The following BMF variants were observed in gnomAD, a reference collection of about 807,000 sequenced individuals.
The protein encoded by BMF is bcl-2-modifying factor.
In BMF, 10 loss-of-function variants were observed where a neutral mutation model predicts 22.0. That is an observed-to-expected ratio of 0.45 (90% CI 0.28 to 0.77). BMF has a LOEUF of 0.77. Among genes scored for constraint, BMF ranks in the 30% least tolerant of loss-of-function variants. The pLI is 0.13. For missense variants in BMF, 206 were observed against 226.8 expected (o/e 0.91, Z 0.59); for synonymous variants, 87 against 88.1 (o/e 0.99, Z 0.07).
chr15:40,105,410 T>A (rs1277934383), intron 3 of BMF, among the ~76,000 whole-genome samples: 1 of 152,160 alleles, frequency 6.6e-6, no homozygotes, highest in Non-Finnish European at 1.5e-5. Flanking sequence ...GAACCCTCCC[T>A]CCCAGAACCG....
chr15:40,098,752 A>G (rs2036414833), intron 4 of BMF, among the ~76,000 whole-genome samples: 1 of 151,502 alleles, frequency 6.6e-6, no homozygotes, highest in Non-Finnish European at 1.5e-5. Context: ...CCCTCCTCCC[A>G]TCACCCACTT....
Position 40,106,175 on chromosome 15 carries a change from T to C in BMF, c.-5-84A>G. On this transcript the variant is annotated intron_variant, in intron 2 of 4. Transcript: ENST00000354670. The surrounding 1 kb of genome is among the most constrained non-coding windows in gnomAD (Gnocchi z 4.1). ...GACTCCCCTTCCCTTCTTCCTACCA[T>C]ACTCCCCCTTCTTATTTGAGCTGGC... is the stretch of plus-strand genomic sequence containing the variant. The C allele has an allele frequency of 7.0e-7, 1 of 1,433,472 alleles. No individual in the cohort carries two copies. The highest frequency in any genetic ancestry group is 9.3e-7 in the Non-Finnish European group (1 of 1,079,004). 88.8% of individuals were successfully genotyped at this position (1,433,472 alleles called of 1,614,324 possible). A position where few individuals can be genotyped will look rare whatever the true frequency, so the allele number is the denominator to read the frequency against.
At chr15:40,096,574 T>C (rs1213539320) in intron 4 of BMF, among the ~76,000 whole-genome samples, 1 of 152,204 alleles carries the variant, frequency 6.6e-6, no homozygotes, top group East Asian at 1.9e-4. Flanking sequence ...ATCAACCCAT[T>C]TTAGAGCGAC....
At chr15:40,101,581 T>C (rs891227296) in intron 4 of BMF, among the ~76,000 whole-genome samples, 2 of 151,822 alleles carry the variant, frequency 1.3e-5, no homozygotes, top group African/African-American at 4.8e-5. Context: ...AATGGAGGAG[T>C]GACAACAGTA....
intron 3 of BMF, among the ~76,000 whole-genome samples, chr15:40,105,193 A>G (rs2036561275): frequency 6.6e-6 from 1 of 152,154 alleles, no homozygotes; most frequent in Admixed American, 6.5e-5. Flanking sequence ...AAGAAAACAG[A>G]CTGTCTAACC....
intron 4 of BMF, among the ~76,000 whole-genome samples, chr15:40,099,244 G>A (rs1314355251): frequency 6.6e-6 from 1 of 152,168 alleles, no homozygotes; most frequent in Non-Finnish European, 1.5e-5. Context: ...GCAATCAGGG[G>A]CTCCCTGAAC....
At chr15:40,092,538 G>C (rs1222275365) in intron 4 of BMF, among the ~76,000 whole-genome samples, 3 of 152,122 alleles carry the variant, frequency 2.0e-5, no homozygotes, top group Non-Finnish European at 2.9e-5. Context: ...CCTTTTTATA[G>C]ATGCTCTTGA....
intron 4 of BMF, 136 bp from the exon 5 acceptor site, chr15:40,092,024 G>T (rs551936454): frequency 6.0e-5 from 39 of 645,500 alleles, no homozygotes; most frequent in South Asian, 1.6e-4. Flanking sequence ...AGCTCACAGC[G>T]GGGAGGAGGG....
chr15:40,108,487 C>G (rs1347177231), intron 1 of BMF, 101 bp from the exon 2 acceptor site: 3 of 152,698 alleles, frequency 2.0e-5, no homozygotes, highest in Non-Finnish European at 4.4e-5. Context: ...CGTTCTCGGG[C>G]GCCCAGGTCT....
chr15:40,097,487 G>A (rs781161468), intron 4 of BMF, among the ~76,000 whole-genome samples: 4 of 152,214 alleles, frequency 2.6e-5, no homozygotes, highest in Non-Finnish European at 5.9e-5. Context: ...GTGCTTCCTT[G>A]TACCCTTGTT....
At chr15:40,093,712 G>A (rs951950013) in intron 4 of BMF, among the ~76,000 whole-genome samples, 1 of 152,198 alleles carries the variant, frequency 6.6e-6, no homozygotes, top group African/African-American at 2.4e-5. Flanking sequence ...GTGCTTGTCT[G>A]AGAAGACCGG....
rs939048755 is a variant in BMF at position 40,088,255 on chromosome 15, C to T, written c.*3532G>A. ...CTTTAGCTGGGAGGCTGGCTGGGCA[C>T]CTATGAGCTCAGCTTTTTCCGCTAT... On this transcript the variant is annotated 3_prime_UTR_variant, in exon 5 of 5. Coordinates refer to ENST00000354670, the MANE Select transcript of BMF (RefSeq NM_001003940.2). The T allele has an allele frequency of 1.3e-5, 2 of 152,464 alleles. No homozygotes were observed. Among genetic ancestry groups the T allele is most frequent in the Admixed American group, 1.3e-4 (2 of 15,284 alleles). 9.4% of individuals were successfully genotyped at this position (152,464 alleles called of 1,614,324 possible).
chr15:40,096,509 CAG>C lies in BMF; in HGVS notation c.454-4623_454-4622del, dbSNP rs570112425. 1.5e-4 allele frequency among the ~76,000 whole-genome samples: 23 copies of C among 152,310 alleles called. No homozygotes were observed. The East Asian group carries it at 4.0e-3, about 27-fold the overall frequency. On this transcript the variant is annotated intron_variant, in intron 4 of 4. Coordinates refer to ENST00000354670, the MANE Select transcript of BMF (RefSeq NM_001003940.2). Reference sequence around the variant, plus strand: ...AACTTATAATATCTCAGATACAGAACAGAGCACTTTCCTTTCTTCTCATGTGA... The same window carrying C: ...AACTTATAATATCTCAGATACAGAACAGCACTTTCCTTTCTTCTCATGTGA...
chr15:40,089,116 G>C lies in BMF; in HGVS notation c.*2671C>G, dbSNP rs2036186195. On this transcript the variant is annotated 3_prime_UTR_variant, in exon 5 of 5. Transcript: ENST00000354670. Reference sequence around the variant, plus strand: ...CAGCTGGTTACAGGTCAGGATCCAGGTCAGACTCTCCCTCCCTCTAAATCT... The same window carrying C: ...CAGCTGGTTACAGGTCAGGATCCAGCTCAGACTCTCCCTCCCTCTAAATCT... 1 of 152,428 alleles carries C rather than the reference G, an allele frequency of 6.6e-6. No homozygotes were observed. The highest frequency in any genetic ancestry group is 2.4e-5 in the African/African-American group (1 of 41,328). The allele number at this position is 152,428 out of a possible 1,614,324, so 9.4% of individuals were successfully genotyped here. A position where few individuals can be genotyped will look rare whatever the true frequency, so the allele number is the denominator to read the frequency against.
chr15:40,098,333 G>A (rs976673766), intron 4 of BMF, among the ~76,000 whole-genome samples: 3 of 152,192 alleles, frequency 2.0e-5, no homozygotes, highest in African/African-American at 7.2e-5. Context: ...TCCACAGCCT[G>A]GAGGGAGGAA....
intron 4 of BMF, among the ~76,000 whole-genome samples, chr15:40,093,756 G>A (rs574645882): frequency 4.6e-5 from 7 of 152,278 alleles, no homozygotes; most frequent in Middle Eastern, 3.4e-3. Context: ...TAATAGTAAC[G>A]TGGGGTTAGG....
intron 4 of BMF, among the ~76,000 whole-genome samples, chr15:40,103,191 T>C (rs1432402994): frequency 6.6e-6 from 1 of 152,244 alleles, no homozygotes; most frequent in East Asian, 1.9e-4. Flanking sequence ...ATTTATTCCC[T>C]TGATTTCCTC....
Position 40,091,799 on chromosome 15 carries a change from T to G in BMF, c.543A>C (p.Ala181=). 1.2e-6 allele frequency: 2 copies of G among 1,607,550 alleles called. No homozygotes were observed. The highest frequency in any genetic ancestry group is 1.7e-6 in the Non-Finnish European group (2 of 1,177,436). Reference sequence around the variant, plus strand: ...GGGCAGCCCACCCTCACCTAGGGCCTGCCCCGTTCCTGTTCTCTTCTCCAT... The same window carrying G: ...GGGCAGCCCACCCTCACCTAGGGCCGGCCCCGTTCCTGTTCTCTTCTCCAT... ...ALNGEENRNG[A]GPR is the part of the protein sequence containing the mutation. The change falls in exon 5 of 5, where the codon GCA becomes GCC. Residue 181 remains alanine, a synonymous_variant. Coordinates refer to ENST00000354670, the MANE Select transcript of BMF (RefSeq NM_001003940.2).
intron 3 of BMF, among the ~76,000 whole-genome samples, chr15:40,105,024 T>C (rs1412426368): frequency 6.6e-6 from 1 of 152,096 alleles, no homozygotes; most frequent in Non-Finnish European, 1.5e-5. Flanking sequence ...GCCCGCCTTA[T>C]CCAACTTCTC....
Sources: allele counts gnomAD v4.1 joint callset (sites outside exome capture counted in the v4.1 genomes callset), GRCh38; gene constraint gnomAD v4.1.1; non-coding constraint Gnocchi (gnomAD v3.1); transcripts MANE v1.5; gene names NCBI Gene and HGNC (gene_info 2026-07-23, HGNC 2026-07-21).